ZNF486: variants seen among roughly 807,000 people sequenced by gnomAD.
ZNF486 encodes the protein KRAB box only protein 2.
A neutral mutation model predicts 12.8 loss-of-function variants in ZNF486; 12 were observed. The ratio of observed to expected loss-of-function variants is 0.94; its 90% CI spans 0.60 to 1.52. The LOEUF (loss-of-function observed/expected upper bound fraction) is 1.52. Among genes scored for constraint, ZNF486 ranks in the 40% most tolerant of loss-of-function variants. The pLI is 0.00. For missense variants in ZNF486, 738 were observed against 545.0 expected (o/e 1.35, Z -3.53); for synonymous variants, 231 against 184.9 (o/e 1.25, Z -2.02).
intron 2 of ZNF486, 55 bp from the exon 3 acceptor site, chr19:20,185,932 G>A (rs1387014590): frequency 1.7e-6 from 2 of 1,168,734 alleles, no homozygotes; most frequent in African/African-American, 3.2e-5. Flanking sequence ...CACATTACTA[G>A]CTTGTAATTG....
At position 20,197,011 on chromosome 19, in the gene ZNF486, A is replaced by G. The variant is rs372297755; in HGVS notation, c.301A>G (p.Lys101Glu). ...AQDLWPEQSI[K>E]DSYQKVILRK... The stretch of plus-strand genomic sequence containing the variant: ...AGACCTTTGGCCAGAGCAGAGCATA[A>G]AAGATTCTTACCAAAAAGTGATACT... Residue 101 changes from lysine to glutamate, a missense_variant, in exon 4 of 4, where the codon AAA (lysine) becomes GAA (glutamate). By Grantham distance (56) the Lys-to-Glu change is moderately conservative. Coordinates refer to ENST00000335117, the MANE Select transcript of ZNF486 (RefSeq NM_052852.4). 1.2e-6 allele frequency: 2 copies of G among 1,602,532 alleles called. No homozygotes were observed. Among genetic ancestry groups the G allele is most frequent in the Admixed American group, 1.7e-5 (1 of 57,372 alleles).
At chr19:20,167,730 G>GT (rs2089600281) in intron 1 of ZNF486, among the ~76,000 whole-genome samples, 1 of 152,134 alleles carries the variant, frequency 6.6e-6, no homozygotes. Flanking sequence ...GGGGTTCACA[G>GT]TTTCTCTTTT....
chr19:20,180,661 C>T (rs990373770), intron 1 of ZNF486, among the ~76,000 whole-genome samples: 1 of 152,120 alleles, frequency 6.6e-6, no homozygotes, highest in East Asian at 1.9e-4. Flanking sequence ...GCAATTTCTG[C>T]CACTTGGGTT....
At chr19:20,174,572 T>C (rs1008919112) in intron 1 of ZNF486, among the ~76,000 whole-genome samples, 4 of 152,026 alleles carry the variant, frequency 2.6e-5, no homozygotes, top group African/African-American at 9.7e-5. Context: ...GTATTTATAG[T>C]AGAGATGGTT....
At chr19:20,177,387 A>G (rs1273568794) in intron 1 of ZNF486, among the ~76,000 whole-genome samples, 1 of 152,234 alleles carries the variant, frequency 6.6e-6, no homozygotes, top group African/African-American at 2.4e-5. Context: ...TTTATTTGTC[A>G]TTGAATATAA....
At chr19:20,173,695 G>A (rs1310708532) in intron 1 of ZNF486, among the ~76,000 whole-genome samples, 2 of 152,032 alleles carry the variant, frequency 1.3e-5, no homozygotes, top group Admixed American at 6.5e-5. Context: ...AGTCAGGCGT[G>A]GTGGCGGGCG....
At chr19:20,171,250 C>T (rs1254245017) in intron 1 of ZNF486, among the ~76,000 whole-genome samples, 1 of 152,190 alleles carries the variant, frequency 6.6e-6, no homozygotes, top group Non-Finnish European at 1.5e-5. Context: ...TCACACTGCC[C>T]ATTGTCCTGT....
In ZNF486 at chr19:20,199,240, G is replaced by T. The variant is rs1555718554; in HGVS notation, c.*1138G>T. ...AGAAAATATAAGCCTTTAAGGTGAAGAAGAGTATTGATTCTGAAGACAAGC... is the reference window on the plus strand; with the variant it reads ...AGAAAATATAAGCCTTTAAGGTGAATAAGAGTATTGATTCTGAAGACAAGC... On this transcript the variant is annotated 3_prime_UTR_variant, in exon 4 of 4. Coordinates refer to ENST00000335117, the MANE Select transcript of ZNF486 (RefSeq NM_052852.4). 1.3e-5 allele frequency: 2 copies of T among 152,130 alleles called. No homozygotes were observed. Among genetic ancestry groups the T allele is most frequent in the African/African-American group, 4.8e-5 (2 of 41,438 alleles). The allele number at this position is 152,130 out of a possible 1,614,324, so 9.4% of individuals were successfully genotyped here.
intron 3 of ZNF486, among the ~76,000 whole-genome samples, chr19:20,191,047 T>C (rs559081080): frequency 1.3e-5 from 2 of 152,314 alleles, no homozygotes; most frequent in South Asian, 4.1e-4. Context: ...CATTAACATA[T>C]AGTATGTCCA....
At chr19:20,181,542 A>C (rs978524913) in intron 1 of ZNF486, among the ~76,000 whole-genome samples, 2 of 140,254 alleles carry the variant, frequency 1.4e-5, no homozygotes, top group Non-Finnish European at 1.5e-5. Context: ...ATCTCAAAAA[A>C]CAAAAAAAAA....
chr19:20,186,407 T>A (rs969573741), intron 3 of ZNF486, among the ~76,000 whole-genome samples: 1 of 152,204 alleles, frequency 6.6e-6, no homozygotes. Context: ...CACACAAATA[T>A]CTGCGTGATT....
At position 20,197,394 on chromosome 19, in the gene ZNF486, T is replaced by G. The variant is rs1449807414; in HGVS notation, c.684T>G (p.His228Gln). ...AFNRSSHLTT[H>Q]KITHTREKPY... Reference sequence around the variant, plus strand: ...ACCGGTCCTCACACCTTACTACACATAAGATAACTCATACTAGAGAGAAAC... The same window carrying G: ...ACCGGTCCTCACACCTTACTACACAGAAGATAACTCATACTAGAGAGAAAC... Residue 228 changes from histidine (H) to glutamine (Q), a missense_variant, in exon 4 of 4, where the codon CAT (histidine) becomes CAG (glutamine). Physicochemically the swap from His to Gln is conservative, Grantham distance 24 (BLOSUM62 0). Coordinates refer to ENST00000335117, the MANE Select transcript of ZNF486 (RefSeq NM_052852.4). 6.2e-7 allele frequency: 1 copy of G among 1,613,238 alleles called. No homozygotes were observed. Among genetic ancestry groups the G allele is most frequent in the East Asian group, 2.2e-5 (1 of 44,848 alleles).
chr19:20,196,206 G>A (rs1336882129), intron 3 of ZNF486, among the ~76,000 whole-genome samples: 2 of 152,114 alleles, frequency 1.3e-5, no homozygotes, highest in African/African-American at 4.8e-5. Context: ...AGTAGAGATG[G>A]GGTTTTACCG....
intron 1 of ZNF486, among the ~76,000 whole-genome samples, chr19:20,179,212 A>G (rs1450502834): frequency 6.6e-6 from 1 of 152,214 alleles, no homozygotes; most frequent in African/African-American, 2.4e-5. Context: ...AAATTAAACT[A>G]ATGATGCCAC....
intron 1 of ZNF486, among the ~76,000 whole-genome samples, chr19:20,184,150 C>G (rs1364746276): frequency 6.6e-5 from 10 of 151,968 alleles, no homozygotes; most frequent in African/African-American, 1.7e-4. Flanking sequence ...ATTATATGAA[C>G]TAATGTTGTG....
rs1194014894 is a variant in ZNF486 at position 20,167,228 on chromosome 19, C to T, written c.-103C>T. On this transcript the variant is annotated 5_prime_UTR_variant, in exon 1 of 4. Coordinates refer to ENST00000335117, the MANE Select transcript of ZNF486 (RefSeq NM_052852.4). ...GCGCGGCCTTTGTCTCTCGCTGCAT[C>T]TGGAGCTCTAGGTCGCCTCTTCGCT... is the stretch of plus-strand genomic sequence containing the variant. The T allele has an allele frequency of 1.0e-5, 15 of 1,438,304 alleles. No individual in the cohort carries two copies. Among genetic ancestry groups the T allele is most frequent in the Non-Finnish European group, 1.4e-5 (14 of 1,021,936 alleles). 89.1% of individuals were successfully genotyped at this position (1,438,304 alleles called of 1,614,324 possible). A position where few individuals can be genotyped will look rare whatever the true frequency, so the allele number is the denominator to read the frequency against.
At position 20,197,037 on chromosome 19, in the gene ZNF486, G is replaced by A. The variant is rs1599719458; in HGVS notation, c.327G>A (p.Leu109=). The A allele has an allele frequency of 4.3e-6, 7 of 1,610,400 alleles. No individual in the cohort carries two copies. The highest frequency in any genetic ancestry group is 5.1e-6 in the Non-Finnish European group (6 of 1,179,160). ...AAGATTCTTACCAAAAAGTGATACTGAGAAAATTTGAAAAATGTGGACATG... is the reference window on the plus strand; with the variant it reads ...AAGATTCTTACCAAAAAGTGATACTAAGAAAATTTGAAAAATGTGGACATG... ...SIKDSYQKVI[L]RKFEKCGHGN... is the part of the protein sequence containing the mutation. Residue 109 remains leucine, a synonymous_variant, in exon 4 of 4, where the codon CTG becomes CTA. Coordinates refer to ENST00000335117, the MANE Select transcript of ZNF486 (RefSeq NM_052852.4).
chr19:20,178,686 C>G (rs1327335617), intron 1 of ZNF486, among the ~76,000 whole-genome samples: 1 of 152,254 alleles, frequency 6.6e-6, no homozygotes, highest in Non-Finnish European at 1.5e-5. Context: ...CAGCAAAGTG[C>G]ATGCTGTCCC....
intron 1 of ZNF486, among the ~76,000 whole-genome samples, chr19:20,173,628 A>C (rs1399471309): frequency 6.6e-6 from 1 of 152,094 alleles, no homozygotes; most frequent in Non-Finnish European, 1.5e-5. Context: ...CAGGAGATAG[A>C]GATCATCCTG....
Sources: allele counts gnomAD v4.1 joint callset (sites outside exome capture counted in the v4.1 genomes callset), GRCh38; gene constraint gnomAD v4.1.1; transcripts MANE v1.5; gene names NCBI Gene and HGNC (gene_info 2026-07-23, HGNC 2026-07-21).